ZZZ3: variants seen among roughly 807,000 people sequenced by gnomAD.
ZZZ3 encodes zinc finger ZZ-type containing 3.
Under a neutral mutation model 95.2 loss-of-function variants are expected in ZZZ3, and 22 were observed. The observed-to-expected ratio is 0.23, with a 90% CI of 0.17 to 0.33. The LOEUF (loss-of-function observed/expected upper bound fraction) is 0.33. Among genes scored for constraint, ZZZ3 ranks in the 10% least tolerant of loss-of-function variants. The pLI is 1.00. For missense variants in ZZZ3, 885 were observed against 1,066.5 expected, an observed-to-expected ratio of 0.83 and a Z score of 2.37; for synonymous variants, 335 against 358.9, an observed-to-expected ratio of 0.93 and a Z score of 0.75.
chr1:77,639,775 A>AT (rs1424898912), intron 3 of ZZZ3, among the ~76,000 whole-genome samples, 173 bp from the exon 4 acceptor site: 20 of 152,164 alleles, frequency 1.3e-4, no homozygotes, highest in Admixed American at 1.3e-3. Context: ...CTGAAATAGG[A>AT]TTTTTAGAAA....
upstream of ZZZ3, among the ~76,000 whole-genome samples, chr1:77,682,954 T>A: frequency 6.6e-6 from 1 of 152,104 alleles, no homozygotes; most frequent in Middle Eastern, 3.2e-3. Flanking sequence ...CCCTGTCACG[T>A]GGAAACATTT....
At chr1:77,571,167 ACACTTTT>A (rs1196988651) in intron 12 of ZZZ3, among the ~76,000 whole-genome samples, 1 of 152,224 alleles carries the variant, frequency 6.6e-6, no homozygotes. Flanking sequence ...AAGAGTGTAA[ACACTTTT>A]AAATTTTTAG....
chr1:77,664,964 G>A (rs1298882821), intron 1 of ZZZ3, among the ~76,000 whole-genome samples: 2 of 152,082 alleles, frequency 1.3e-5, no homozygotes, highest in Non-Finnish European at 2.9e-5. Flanking sequence ...GCTGTTTCTA[G>A]TCTTCTGGCA....
intron 5 of ZZZ3, among the ~76,000 whole-genome samples, chr1:77,588,892 G>A (rs922830330): frequency 2.0e-5 from 3 of 151,984 alleles, no homozygotes; most frequent in African/African-American, 4.8e-5. Flanking sequence ...TCTTATTTTC[G>A]CCTTTTGAGA....
In ZZZ3 at chr1:77,576,155, A is replaced by G; in HGVS notation, c.2244T>C (p.Thr748=). The G allele has an allele frequency of 1.2e-6, 2 of 1,613,390 alleles. No individual in the cohort carries two copies. The highest frequency in any genetic ancestry group is 2.2e-5 in the East Asian group (1 of 44,828). The change falls in exon 12 of 15, where the codon ACT becomes ACC. Residue 748 remains threonine (T), a synonymous_variant. Coordinates refer to ENST00000370801, the MANE Select transcript of ZZZ3 (RefSeq NM_015534.6). ...KHLFKPSTFM[T]SHEPPVYMDE... ...CCATATACACTGGCGGTTCATGTGA[A>G]GTCATGAAAGTGGAAGGCTTAAAGA...
At chr1:77,584,677 T>C (rs202089287) in intron 5 of ZZZ3, 22 bp from the exon 6 acceptor site, 556 of 1,528,844 alleles carry the variant, frequency 3.6e-4, no homozygotes, top group Non-Finnish European at 4.5e-4. Context: ...AAGAAAAATA[T>C]TTCACAAAAA....
intron 5 of ZZZ3, among the ~76,000 whole-genome samples, chr1:77,594,142 T>C (rs1663986424): frequency 6.6e-6 from 1 of 152,158 alleles, no homozygotes; most frequent in African/African-American, 2.4e-5. Flanking sequence ...CAGCTAGAAG[T>C]ATGCAAAGTT....
At chr1:77,660,780 A>G (rs1670709139) in intron 1 of ZZZ3, among the ~76,000 whole-genome samples, 1 of 152,034 alleles carries the variant, frequency 6.6e-6, no homozygotes, top group Non-Finnish European at 1.5e-5. Context: ...TTAGGCCCCA[A>G]CTCTCAGACT....
At position 77,568,315 on chromosome 1, in the gene ZZZ3, A is replaced by C; in HGVS notation, c.2466+17T>G. ...ATAAATAAAATGAAATGAATCCTAA[A>C]ATTAAATAGAACTTACCTTAAAGCC... On this transcript the variant is annotated intron_variant, in intron 13 of 14. Coordinates refer to ENST00000370801, the MANE Select transcript of ZZZ3 (RefSeq NM_015534.6). The C allele has an allele frequency of 6.4e-7, 1 of 1,559,112 alleles. No individual in the cohort carries two copies. Among genetic ancestry groups the C allele is most frequent in the Non-Finnish European group, 8.7e-7 (1 of 1,155,308 alleles).
At chr1:77,583,571 T>C (rs1177406523) in intron 6 of ZZZ3, among the ~76,000 whole-genome samples, 1 of 152,136 alleles carries the variant, frequency 6.6e-6, no homozygotes, top group African/African-American at 2.4e-5. Flanking sequence ...AACTAAATAA[T>C]ATACCTAGGA....
intron 1 of ZZZ3, among the ~76,000 whole-genome samples, chr1:77,670,075 C>A (rs939223238): frequency 3.7e-5 from 5 of 136,052 alleles, no homozygotes; most frequent in Admixed American, 7.2e-5. Context: ...TATTGTGACC[C>A]CCCCCCCCCA....
intron 5 of ZZZ3, among the ~76,000 whole-genome samples, chr1:77,592,546 C>A (rs892125146): frequency 6.6e-6 from 1 of 152,166 alleles, no homozygotes; most frequent in East Asian, 1.9e-4. Context: ...AAGTGACCTG[C>A]CCACCCCGGC....
At chr1:77,680,071 T>C (rs1159925659) in intron 1 of ZZZ3, among the ~76,000 whole-genome samples, 2 of 152,216 alleles carry the variant, frequency 1.3e-5, no homozygotes, top group African/African-American at 2.4e-5. Flanking sequence ...TTCAAACTCA[T>C]TGTCATTTTC....
intron 5 of ZZZ3, among the ~76,000 whole-genome samples, chr1:77,631,298 C>T (rs1310062734): frequency 6.6e-6 from 1 of 152,154 alleles, no homozygotes; most frequent in African/African-American, 2.4e-5. Context: ...TGCTAATATG[C>T]TAATTACAAT....
intron 5 of ZZZ3, among the ~76,000 whole-genome samples, chr1:77,585,230 G>A (rs1394730093): frequency 6.6e-6 from 1 of 151,998 alleles, no homozygotes. Flanking sequence ...AAAGACAAAT[G>A]TTCAATTCTT....
At chr1:77,659,512 C>A (rs573423080) in intron 1 of ZZZ3, among the ~76,000 whole-genome samples, 26 of 151,734 alleles carry the variant, frequency 1.7e-4, no homozygotes, top group African/African-American at 6.3e-4. Context: ...CATGGTAAAA[C>A]CCCATCTCTA....
At chr1:77,627,230 T>C (rs560505201) in intron 5 of ZZZ3, among the ~76,000 whole-genome samples, 71 of 152,342 alleles carry the variant, frequency 4.7e-4, no homozygotes, top group Non-Finnish European at 9.4e-4. Context: ...AAATTCTTAA[T>C]TACGAGTTAG....
intron 3 of ZZZ3, among the ~76,000 whole-genome samples, chr1:77,640,600 C>CA (rs78243648): frequency 0.092 from 7,039 of 76,478 alleles, 445 homozygotes; most frequent in African/African-American, 0.24. Flanking sequence ...AACTCAGTCT[C>CA]AAAAAAAAAA....
chr1:77,649,770 T>A (rs970480673), intron 1 of ZZZ3, among the ~76,000 whole-genome samples: 2 of 151,470 alleles, frequency 1.3e-5, no homozygotes, highest in Admixed American at 6.6e-5. Flanking sequence ...TAATACCAGC[T>A]ACTCGGGAGG....
Sources: gnomAD v4.1 joint callset for allele counts (sites outside exome capture counted in the v4.1 genomes callset) on GRCh38, gnomAD v4.1.1 for gene constraint, MANE v1.5 for transcripts, NCBI Gene and HGNC (gene_info 2026-07-23, HGNC 2026-07-21) for gene names.